XKR4: variants seen among roughly 807,000 people sequenced by gnomAD.
XKR4 encodes XK-related protein 4.
Under a neutral mutation model 53.9 loss-of-function variants are expected in XKR4, and 12 were observed. The observed-to-expected ratio is 0.22, with a 90% confidence interval of 0.14 to 0.36. The LOEUF (loss-of-function observed/expected upper bound fraction) is 0.36, where lower values mean the gene tolerates loss of function less well. Ranked by LOEUF, XKR4 falls within the 10% of genes least tolerant of loss-of-function variation. The pLI is 1.00. For synonymous variants in XKR4, 354 were observed against 362.4 expected (o/e 0.98, Z 0.26); for missense variants, 799 against 859.5 (o/e 0.93, Z 0.88).
At chr8:55,397,875 C>A (rs1165459859) in intron 2 of XKR4, among the ~76,000 whole-genome samples, 1 of 152,154 alleles carries the variant, frequency 6.6e-6, no homozygotes, top group African/African-American at 2.4e-5. Context: ...TGGGAGCCTG[C>A]AGCCACTCAT....
Position 55,345,183 on chromosome 8 carries a change from A to G in XKR4, c.807-12495A>G, listed in dbSNP as rs888702823. Among the ~76,000 whole-genome samples, 5 of 152,058 alleles carry G rather than the reference A, an allele frequency of 3.3e-5. 1 individual carries two copies. Among genetic ancestry groups the G allele is most frequent in the Non-Finnish European group, 7.4e-5 (5 of 67,998 alleles). ...ACACCTACTTGGTGTAATCCCCACT[A>G]CTTGGGAGGCTGAGGCAGGAGAATC... On this transcript the variant is annotated intron_variant, in intron 1 of 2. Transcript: ENST00000327381.
At chr8:55,451,693 C>T in intron 2 of XKR4, 5 of 1,431,518 alleles carry the variant, frequency 3.5e-6, no homozygotes, top group Admixed American at 1.7e-5. Flanking sequence ...CGGGTACCTG[C>T]GGTAGATGGC....
intron 1 of XKR4, among the ~76,000 whole-genome samples, chr8:55,252,132 G>A (rs1163297810): frequency 2.0e-5 from 3 of 152,170 alleles, no homozygotes. Flanking sequence ...TAAATTATGT[G>A]CATTTGTAGA....
chr8:55,372,241 T>C (rs1243268116), intron 2 of XKR4, among the ~76,000 whole-genome samples: 1 of 152,204 alleles, frequency 6.6e-6, no homozygotes, highest in African/African-American at 2.4e-5. Context: ...GCCTTTCCTG[T>C]GGTGTCTTCA....
Position 55,329,411 on chromosome 8 carries a change from C to T in XKR4, c.807-28267C>T, listed in dbSNP as rs1030330204. 2.2e-4 allele frequency among the ~76,000 whole-genome samples: 33 copies of T among 150,316 alleles called. 1 individual carries two copies. Among genetic ancestry groups the T allele is most frequent in the Non-Finnish European group, 4.6e-4 (31 of 67,752 alleles). ...TTTTTTTTTTTAGCTCATCAGGTAT[C>T]GTCAGTGTTAGTATATTTCATGTAA... On this transcript the variant is annotated intron_variant, in intron 1 of 2. Coordinates refer to ENST00000327381, the MANE Select transcript of XKR4 (RefSeq NM_052898.2).
intron 2 of XKR4, among the ~76,000 whole-genome samples, chr8:55,443,208 G>A (rs543842869): frequency 2.0e-5 from 3 of 151,900 alleles, no homozygotes; most frequent in Non-Finnish European, 4.4e-5. Context: ...CTATGAACAT[G>A]GACACAGAAA....
intron 2 of XKR4, among the ~76,000 whole-genome samples, chr8:55,434,899 C>A (rs2129393999): frequency 6.6e-6 from 1 of 152,346 alleles, no homozygotes; most frequent in South Asian, 2.1e-4. Context: ...CCCTTCCCTG[C>A]TGTGCCACGT....
intron 2 of XKR4, among the ~76,000 whole-genome samples, chr8:55,405,465 G>C (rs542027733): frequency 3.9e-5 from 6 of 152,338 alleles, no homozygotes; most frequent in East Asian, 1.9e-4. Flanking sequence ...GGAGAGCCGA[G>C]AGACGCAGCA....
At chr8:55,314,484 C>T (rs865889832) in intron 1 of XKR4, among the ~76,000 whole-genome samples, 1 of 152,104 alleles carries the variant, frequency 6.6e-6, no homozygotes, top group Admixed American at 6.5e-5. Flanking sequence ...ATTCAGCTCC[C>T]GGGGAAACCG....
intron 1 of XKR4, among the ~76,000 whole-genome samples, chr8:55,104,416 G>T (rs1254024808): frequency 1.3e-5 from 2 of 152,154 alleles, no homozygotes; most frequent in African/African-American, 4.8e-5. Context: ...ACACTCTGTG[G>T]TACTGGTGCT....
intron 1 of XKR4, among the ~76,000 whole-genome samples, chr8:55,294,232 C>T (rs1043943590): frequency 6.6e-6 from 1 of 152,178 alleles, no homozygotes; most frequent in African/African-American, 2.4e-5. Context: ...CTCTATCATC[C>T]TCATAAAGAC....
At chr8:55,436,441 C>T (rs1805178244) in intron 2 of XKR4, among the ~76,000 whole-genome samples, 1 of 152,178 alleles carries the variant, frequency 6.6e-6, no homozygotes, top group South Asian at 2.1e-4. Flanking sequence ...TTTACCTCAA[C>T]CAAATTAGAA....
chr8:55,301,170 G>A (rs1312536738), intron 1 of XKR4, among the ~76,000 whole-genome samples: 7 of 92,408 alleles, frequency 7.6e-5, no homozygotes, highest in African/African-American at 2.5e-4. Context: ...AACAGACCCC[G>A]GAGTGTGATG....
intron 1 of XKR4, among the ~76,000 whole-genome samples, chr8:55,118,473 A>G (rs953061049): frequency 3.3e-5 from 5 of 152,188 alleles, no homozygotes; most frequent in African/African-American, 1.2e-4. Flanking sequence ...ATTTATATCT[A>G]TGTGACATAC....
At chr8:55,369,483 A>C (rs1312380479) in intron 2 of XKR4, among the ~76,000 whole-genome samples, 2 of 131,028 alleles carry the variant, frequency 1.5e-5, no homozygotes, top group Non-Finnish European at 3.2e-5. Flanking sequence ...GGGAGGACAG[A>C]GAGAGAGAAA....
At chr8:55,489,245 G>A (rs1221004945) in intron 2 of XKR4, among the ~76,000 whole-genome samples, 2 of 152,056 alleles carry the variant, frequency 1.3e-5, no homozygotes, top group Non-Finnish European at 2.9e-5. Context: ...AGGGAAACTG[G>A]CAGAATAAGG....
chr8:55,188,100 A>G (rs1375061353), intron 1 of XKR4, among the ~76,000 whole-genome samples: 1 of 152,168 alleles, frequency 6.6e-6, no homozygotes, highest in East Asian at 1.9e-4. Context: ...GTTTTATAAT[A>G]TAAGACATAT....
chr8:55,374,292 C>T (rs953403784), intron 2 of XKR4, among the ~76,000 whole-genome samples: 1 of 152,244 alleles, frequency 6.6e-6, no homozygotes, highest in Admixed American at 6.5e-5. Flanking sequence ...TAACACCATT[C>T]ACCCTTGAAG....
intron 1 of XKR4, among the ~76,000 whole-genome samples, chr8:55,295,712 G>A (rs1320644386): frequency 1.3e-5 from 2 of 152,072 alleles, no homozygotes; most frequent in Non-Finnish European, 2.9e-5. Context: ...GCTTCTTTTT[G>A]GCTAGGACTG....
Sources: gnomAD v4.1 joint callset for allele counts (sites outside exome capture counted in the v4.1 genomes callset) on GRCh38, gnomAD v4.1.1 for gene constraint, MANE v1.5 for transcripts, NCBI Gene and HGNC (gene_info 2026-07-23, HGNC 2026-07-21) for gene names.